The following SEL1L3 variants were observed in gnomAD, a reference collection of about 807,000 sequenced individuals.
SEL1L3 encodes the protein SEL1L family member 3.
Under a neutral mutation model 142.8 loss-of-function variants are expected in SEL1L3, and 76 were observed. That is an observed-to-expected ratio of 0.53 (90% CI 0.44 to 0.64). The LOEUF is 0.64. SEL1L3 is among the 30% of genes least tolerant of loss of function. The probability of loss-of-function intolerance (pLI) is 0.00; values close to 1 mark genes in which losing one functional copy is unlikely to be tolerated. For synonymous variants in SEL1L3, 504 were observed against 519.6 expected, an observed-to-expected ratio of 0.97 and a Z score of 0.41; for missense variants, 1,262 against 1,381.7, an observed-to-expected ratio of 0.91 and a Z score of 1.37.
intron 11 of SEL1L3, among the ~76,000 whole-genome samples, chr4:25,793,904 G>A (rs1577613551): frequency 6.6e-6 from 1 of 152,192 alleles, no homozygotes; most frequent in South Asian, 2.1e-4. Context: ...TTGTTTGTCT[G>A]ACAAAAACAA....
intron 14 of SEL1L3, among the ~76,000 whole-genome samples, 178 bp from the exon 15 acceptor site, chr4:25,782,596 G>A (rs563377966): frequency 6.6e-5 from 10 of 152,280 alleles, no homozygotes; most frequent in African/African-American, 2.4e-4. Flanking sequence ...CTGCCTGAGA[G>A]TCTTCCCAGG....
chr4:25,793,345 C>A (rs558280110), intron 11 of SEL1L3, among the ~76,000 whole-genome samples: 1 of 152,124 alleles, frequency 6.6e-6, no homozygotes, highest in Non-Finnish European at 1.5e-5. Context: ...TGCAGTGGCA[C>A]GATCATGGCT....
intron 23 of SEL1L3, among the ~76,000 whole-genome samples, chr4:25,754,428 A>C (rs1717818827): frequency 6.6e-6 from 1 of 151,058 alleles, no homozygotes; most frequent in Non-Finnish European, 1.5e-5. Context: ...AGCTCACTGC[A>C]ACCTCCGTCT....
chr4:25,762,806 CGTTTCTACTAAAAA>C (rs1718461547), intron 20 of SEL1L3, among the ~76,000 whole-genome samples: 1 of 152,044 alleles, frequency 6.6e-6, no homozygotes, highest in South Asian at 2.1e-4. Flanking sequence ...GGTGAAACCC[CGTTTCTACTAAAAA>C]CACAAAAATT....
chr4:25,862,445 A>T (rs1717784106), intron 1 of SEL1L3, among the ~76,000 whole-genome samples: 1 of 152,220 alleles, frequency 6.6e-6, no homozygotes. Flanking sequence ...CCAGGAGGGA[A>T]AGGAATGAGC....
At chr4:25,771,796 G>A (rs1377183953) in intron 17 of SEL1L3, among the ~76,000 whole-genome samples, 2 of 152,222 alleles carry the variant, frequency 1.3e-5, no homozygotes, top group South Asian at 4.1e-4. Context: ...AAGGCAGAGA[G>A]AAATGAAACA....
At chr4:25,741,222 A>G in the SEL1L3 span, among the ~76,000 whole-genome samples, 1 of 151,570 alleles carries the variant, frequency 6.6e-6, no homozygotes, top group Non-Finnish European at 1.5e-5. Context: ...CTCCTGTCTC[A>G]GTCTCCTGAA....
intron 11 of SEL1L3, among the ~76,000 whole-genome samples, chr4:25,797,768 G>T (rs779318381): frequency 6.6e-6 from 1 of 152,202 alleles, no homozygotes; most frequent in Non-Finnish European, 1.5e-5. Context: ...CTATGTGTCA[G>T]GCAGAGTGCT....
chr4:25,790,001 G>C (rs1712181912), intron 12 of SEL1L3, among the ~76,000 whole-genome samples: 1 of 152,170 alleles, frequency 6.6e-6, no homozygotes, highest in Non-Finnish European at 1.5e-5. Context: ...TGGTCTTCTG[G>C]ACGCTGTCTA....
At chr4:25,780,089 A>G (rs1039154377) in intron 15 of SEL1L3, among the ~76,000 whole-genome samples, 5 of 152,080 alleles carry the variant, frequency 3.3e-5, no homozygotes, top group African/African-American at 1.2e-4. Flanking sequence ...GTTCCTCCCA[A>G]TAAATGCCAC....
intron 19 of SEL1L3, among the ~76,000 whole-genome samples, chr4:25,766,767 G>A (rs1272518187): frequency 6.6e-6 from 1 of 152,150 alleles, no homozygotes; most frequent in Non-Finnish European, 1.5e-5. Context: ...GTCCAAAGCA[G>A]AGAGACAAAG....
chr4:25,761,128 A>G (rs1197977877), intron 20 of SEL1L3, among the ~76,000 whole-genome samples: 1 of 152,228 alleles, frequency 6.6e-6, no homozygotes, highest in Non-Finnish European at 1.5e-5. Context: ...CACTCTTTGA[A>G]AGGAAGGCAC....
chr4:25,818,406 T>C (rs1714538831), intron 8 of SEL1L3, 128 bp from the exon 9 acceptor site: 2 of 868,194 alleles, frequency 2.3e-6, no homozygotes, highest in Admixed American at 3.5e-5. Context: ...TTGGTCCTTT[T>C]GGGATTTGAA....
intron 20 of SEL1L3, among the ~76,000 whole-genome samples, chr4:25,761,125 TG>T (rs1451008393): frequency 6.6e-6 from 1 of 152,112 alleles, no homozygotes; most frequent in Non-Finnish European, 1.5e-5. Flanking sequence ...CTGCACTCTT[TG>T]AAAGGAAGGC....
chr4:25,725,949 T>C, the SEL1L3 span, among the ~76,000 whole-genome samples: 8 of 152,176 alleles, frequency 5.3e-5, no homozygotes, highest in Admixed American at 3.9e-4. Flanking sequence ...CATCCTGTTT[T>C]ATCAGCAGCG....
At chr4:25,830,813 C>T (rs540129944) in intron 5 of SEL1L3, among the ~76,000 whole-genome samples, 2 of 152,290 alleles carry the variant, frequency 1.3e-5, no homozygotes, top group South Asian at 4.1e-4. Context: ...GAAAGACAAA[C>T]TAACCCACCA....
the SEL1L3 span, among the ~76,000 whole-genome samples, chr4:25,714,375 T>C: frequency 6.6e-6 from 1 of 152,096 alleles, no homozygotes; most frequent in Non-Finnish European, 1.5e-5. Context: ...CATTGCAAAT[T>C]TCATCATCTC....
At chr4:25,849,676 A>G (rs369518673) in intron 1 of SEL1L3, among the ~76,000 whole-genome samples, 205 of 152,360 alleles carry the variant, frequency 1.3e-3, no homozygotes, top group African/African-American at 4.7e-3. Flanking sequence ...TTAAAAAGGT[A>G]CATTTTAATG....
the SEL1L3 span, among the ~76,000 whole-genome samples, chr4:25,735,892 C>G: frequency 6.7e-6 from 1 of 148,346 alleles, no homozygotes; most frequent in African/African-American, 2.5e-5. Context: ...TGCAGTGACC[C>G]GATCTCAGCT....
Sources: allele counts gnomAD v4.1 joint callset (sites outside exome capture counted in the v4.1 genomes callset), GRCh38; gene constraint gnomAD v4.1.1; transcripts MANE v1.5; gene names NCBI Gene and HGNC (gene_info 2026-07-23, HGNC 2026-07-21).